The following MELK variants were observed in gnomAD, a reference collection of about 807,000 sequenced individuals.
MELK encodes the protein pEg3 kinase.
Under a neutral mutation model 85.0 loss-of-function variants are expected in MELK, and 81 were observed. The ratio of observed to expected loss-of-function variants is 0.95; its 90% CI spans 0.80 to 1.15. MELK has a LOEUF of 1.15. Among genes scored for constraint, MELK ranks in the 50% most tolerant of loss-of-function variants. The pLI is 0.00. For missense variants in MELK, 754 were observed against 777.5 expected, an observed-to-expected ratio of 0.97 and a Z score of 0.36; for synonymous variants, 252 against 265.0, an observed-to-expected ratio of 0.95 and a Z score of 0.48.
chr9:36,576,600 C>T (rs779818564), intron 1 of MELK, among the ~76,000 whole-genome samples: 16 of 152,086 alleles, frequency 1.1e-4, no homozygotes, highest in Non-Finnish European at 2.2e-4. Flanking sequence ...GGCGTGATCG[C>T]GGGTCACTGC....
chr9:36,636,535 A>G (rs1206721967), intron 10 of MELK, among the ~76,000 whole-genome samples: 1 of 151,944 alleles, frequency 6.6e-6, no homozygotes, highest in Non-Finnish European at 1.5e-5. Flanking sequence ...AAACAGTAAT[A>G]ATTTACAGTT....
At chr9:36,606,392 A>G (rs548247386) in intron 7 of MELK, among the ~76,000 whole-genome samples, 1 of 122,330 alleles carries the variant, frequency 8.2e-6, no homozygotes, top group African/African-American at 4.0e-5. Context: ...TATATAATAT[A>G]TACATATGTA....
chr9:36,607,716 A>G (rs1281152915), intron 8 of MELK, 43 bp downstream of exon 8: 3 of 1,288,906 alleles, frequency 2.3e-6, no homozygotes, highest in East Asian at 2.3e-5. Flanking sequence ...GAACTTTTCT[A>G]TACCGAATAG....
Position 36,665,466 on chromosome 9 carries a change from T to G in MELK, c.1293T>G (p.Ser431=). Residue 431 remains serine, a synonymous_variant, in exon 14 of 18, where the codon TCT becomes TCG. Transcript: ENST00000298048. ...AAGAAAATGTATATACTCCTAAGTCTGCTGTAAAGAATGAAGAGTACTTTA... is the reference window on the plus strand; with the variant it reads ...AAGAAAATGTATATACTCCTAAGTCGGCTGTAAAGAATGAAGAGTACTTTA... The part of the protein sequence containing the change: ...KNKENVYTPK[S]AVKNEEYFMF... 1 of 1,613,382 alleles carries G rather than the reference T, an allele frequency of 6.2e-7. No homozygotes were observed. Among genetic ancestry groups the G allele is most frequent in the South Asian group, 1.1e-5 (1 of 91,060 alleles).
intron 12 of MELK, among the ~76,000 whole-genome samples, chr9:36,653,824 T>A (rs1012722010): frequency 6.6e-6 from 1 of 152,148 alleles, no homozygotes; most frequent in Non-Finnish European, 1.5e-5. Context: ...ACCTCTTTTA[T>A]GATCTTTTGT....
At chr9:36,668,135 A>G (rs1832557056) in intron 14 of MELK, among the ~76,000 whole-genome samples, 1 of 152,172 alleles carries the variant, frequency 6.6e-6, no homozygotes, top group Non-Finnish European at 1.5e-5. Context: ...CGTCACTCCT[A>G]CACAATGCAG....
intron 14 of MELK, among the ~76,000 whole-genome samples, chr9:36,667,918 C>A (rs562154939): frequency 6.6e-6 from 1 of 152,156 alleles, no homozygotes; most frequent in Non-Finnish European, 1.5e-5. Flanking sequence ...CAGGTGCGCA[C>A]CACCATGCCC....
chr9:36,610,256 T>A (rs948080168), intron 8 of MELK, among the ~76,000 whole-genome samples: 5 of 152,238 alleles, frequency 3.3e-5, no homozygotes, highest in Admixed American at 2.6e-4. Flanking sequence ...TGTTGCCCAC[T>A]CCATAGAACA....
intron 4 of MELK, among the ~76,000 whole-genome samples, chr9:36,592,584 T>C (rs892380251): frequency 5.3e-5 from 8 of 152,154 alleles, no homozygotes; most frequent in Admixed American, 1.3e-4. Flanking sequence ...TGTGTGTAGC[T>C]TACACACACA....
chr9:36,596,325 C>T (rs953606884), intron 5 of MELK, among the ~76,000 whole-genome samples: 4 of 149,912 alleles, frequency 2.7e-5, no homozygotes, highest in South Asian at 2.1e-4. Flanking sequence ...GTGCGATCTC[C>T]GCTCACTGCA....
intron 14 of MELK, among the ~76,000 whole-genome samples, chr9:36,668,569 A>G (rs1457470767): frequency 1.3e-5 from 2 of 150,902 alleles, no homozygotes; most frequent in South Asian, 2.1e-4. Context: ...CTGGAGTGCA[A>G]TGGCGCGATC....
chr9:36,642,866 A>C (rs928276736), intron 10 of MELK, 131 bp from the exon 11 acceptor site: 3 of 649,814 alleles, frequency 4.6e-6, no homozygotes, highest in Middle Eastern at 8.7e-4. Context: ...TTCTTCCCCA[A>C]GAAATTGACA....
At chr9:36,616,136 C>A (rs988332103) in intron 8 of MELK, among the ~76,000 whole-genome samples, 1 of 152,112 alleles carries the variant, frequency 6.6e-6, no homozygotes, top group African/African-American at 2.4e-5. Flanking sequence ...TAAAAGTAGA[C>A]CTGTATATAC....
intron 13 of MELK, among the ~76,000 whole-genome samples, chr9:36,660,602 G>C (rs997765675): frequency 6.6e-6 from 1 of 151,992 alleles, no homozygotes. Flanking sequence ...GATTACAGGC[G>C]TGAGCCACTG....
At chr9:36,590,268 A>C (rs1462721716) in intron 4 of MELK, among the ~76,000 whole-genome samples, 4 of 152,068 alleles carry the variant, frequency 2.6e-5, no homozygotes, top group Admixed American at 6.6e-5. Flanking sequence ...TGTTGGAACA[A>C]ATTACTACAG....
intron 10 of MELK, among the ~76,000 whole-genome samples, chr9:36,642,418 CTTTTT>C (rs34671966): frequency 1.2e-5 from 1 of 84,774 alleles, no homozygotes; most frequent in South Asian, 4.7e-4. Context: ...TACAACAGAA[CTTTTT>C]TTTTTTTTTT....
chr9:36,620,797 C>G (rs1001218660), intron 8 of MELK, among the ~76,000 whole-genome samples: 2 of 151,716 alleles, frequency 1.3e-5, no homozygotes, highest in Non-Finnish European at 2.9e-5. Flanking sequence ...GATCCGCCTG[C>G]CTTGGCCTCC....
rs1225868131 is a variant in MELK, at chr9:36,662,496, G to A, written c.1177-2854G>A. On this transcript the variant is annotated intron_variant, in intron 13 of 17. Coordinates refer to ENST00000298048, the MANE Select transcript of MELK (RefSeq NM_014791.4). Reference sequence around the variant, plus strand: ...TGACCTCAGGTGATCCACCTGCCTCGGCCTCCCAAAGTGCTAGAATTACAG... The same window carrying A: ...TGACCTCAGGTGATCCACCTGCCTCAGCCTCCCAAAGTGCTAGAATTACAG... 2.0e-5 allele frequency among the ~76,000 whole-genome samples: 3 copies of A among 151,938 alleles called. No homozygotes were observed. In the East Asian group the frequency reaches 5.8e-4, roughly 29 times the overall value.
chr9:36,636,443 A>G (rs1379544704), intron 10 of MELK, among the ~76,000 whole-genome samples: 2 of 152,144 alleles, frequency 1.3e-5, no homozygotes, highest in African/African-American at 4.8e-5. Context: ...CGGAGGTTGC[A>G]GTGAGCCAAG....
Sources: allele counts gnomAD v4.1 joint callset (sites outside exome capture counted in the v4.1 genomes callset), GRCh38; gene constraint gnomAD v4.1.1; transcripts MANE v1.5; gene names NCBI Gene and HGNC (gene_info 2026-07-23, HGNC 2026-07-21).